Variants in SACM1L observed in about 807,000 individuals in gnomAD.
SACM1L encodes phosphatidylinositol-3-phosphatase SAC1.
In SACM1L, 32 loss-of-function variants were observed where a neutral mutation model predicts 89.5. That is an observed-to-expected ratio of 0.36 (90% CI 0.27 to 0.48). SACM1L has a LOEUF of 0.48. Among genes scored for constraint, SACM1L ranks in the 20% least tolerant of loss-of-function variants. SACM1L has a pLI of 0.99. For missense variants in SACM1L, 543 were observed against 708.5 expected (o/e 0.77, Z 2.65); for synonymous variants, 213 against 232.8 (o/e 0.92, Z 0.77).
chr3:45,719,630 CTG>C (rs749928773), intron 8 of SACM1L, 29 bp downstream of exon 8: 1 of 1,272,108 alleles, frequency 7.9e-7, no homozygotes, highest in East Asian at 2.3e-5. Flanking sequence ...TGGGTCATAT[CTG>C]TAATTAATAT....
intron 1 of SACM1L, among the ~76,000 whole-genome samples, chr3:45,697,329 T>C (rs1698156926): frequency 7.0e-6 from 1 of 142,446 alleles, no homozygotes; most frequent in Non-Finnish European, 1.5e-5. Context: ...CAGGCTGGAG[T>C]GTAGTGGTGC....
At chr3:45,738,219 T>G (rs1164938130) in intron 16 of SACM1L, among the ~76,000 whole-genome samples, 2 of 152,212 alleles carry the variant, frequency 1.3e-5, no homozygotes, top group Non-Finnish European at 2.9e-5. Flanking sequence ...TTGAATGTAT[T>G]ATGCATGCAG....
At chr3:45,698,095 A>T (rs2125682222) in intron 1 of SACM1L, among the ~76,000 whole-genome samples, 2 of 152,342 alleles carry the variant, frequency 1.3e-5, no homozygotes, top group South Asian at 4.1e-4. Context: ...CTAGAGAGTT[A>T]AAGTTAATTT....
rs539270787 is a variant in SACM1L, at chr3:45,695,308, T to A, written c.32+5811T>A. On this transcript the variant is annotated intron_variant, in intron 1 of 19. Transcript: ENST00000389061. ...TGGGGTCTCACTCTGTTGCCCAGGCTGGAGTGCAGTGGCGCAGTCTCGGCT... is the reference window on the plus strand; with the variant it reads ...TGGGGTCTCACTCTGTTGCCCAGGCAGGAGTGCAGTGGCGCAGTCTCGGCT... Among the ~76,000 whole-genome samples, 18 of 152,168 alleles carry A rather than the reference T, an allele frequency of 1.2e-4. 1 individual carries two copies. The highest frequency in any genetic ancestry group is 7.8e-4 in the Admixed American group (12 of 15,294).
intron 11 of SACM1L, among the ~76,000 whole-genome samples, chr3:45,728,011 A>T (rs1698963620): frequency 6.6e-6 from 1 of 152,210 alleles, no homozygotes; most frequent in African/African-American, 2.4e-5. Context: ...CTTCTTGGAA[A>T]ATTGACCATT....
intron 1 of SACM1L, 147 bp from the exon 2 acceptor site, chr3:45,703,291 C>T: frequency 8.8e-6 from 5 of 567,906 alleles, no homozygotes; most frequent in South Asian, 4.1e-5. Flanking sequence ...GCAGTGAACT[C>T]ATAAGGACAG....
intron 19 of SACM1L, among the ~76,000 whole-genome samples, chr3:45,743,181 T>C (rs1255366208): frequency 6.6e-6 from 1 of 152,232 alleles, no homozygotes; most frequent in African/African-American, 2.4e-5. Context: ...TATTAAAATA[T>C]ACTAAAAGTG....
At chr3:45,724,722 C>G (rs73058501) in intron 11 of SACM1L, among the ~76,000 whole-genome samples, 1 of 152,094 alleles carries the variant, frequency 6.6e-6, no homozygotes, top group Non-Finnish European at 1.5e-5. Context: ...ATAACATAAA[C>G]TTACCCCTAT....
chr3:45,705,645 G>A lies in SACM1L; in HGVS notation c.205+436G>A, dbSNP rs146184740. Among the ~76,000 whole-genome samples the A allele has an allele frequency of 2.6e-3, 396 of 152,006 alleles. 12 individuals are homozygous for A. The East Asian group carries it at 0.047, about 18-fold the overall frequency. On this transcript the variant is annotated intron_variant, in intron 3 of 19. Coordinates refer to ENST00000389061, the MANE Select transcript of SACM1L (RefSeq NM_014016.5). ...AGCTTCCTGAGTAGCTGGGATTACA[G>A]GTGCCTGCCACCACACTCGGCTAAT...
rs1343588628 is a variant in SACM1L, at chr3:45,705,124, T to G, written c.131-11T>G. On this transcript the variant is annotated splice_polypyrimidine_tract_variant and intron_variant, in intron 2 of 19. Coordinates refer to ENST00000389061, the MANE Select transcript of SACM1L (RefSeq NM_014016.5). ...TGTATGTGATTTTTCTTTCTTTCCTTTCTTTTAAAGTCAAGAAAGATGTTC... is the reference window on the plus strand; with the variant it reads ...TGTATGTGATTTTTCTTTCTTTCCTGTCTTTTAAAGTCAAGAAAGATGTTC... 6.3e-7 allele frequency: 1 copy of G among 1,579,518 alleles called. No homozygotes were observed. The highest frequency in any genetic ancestry group is 8.6e-7 in the Non-Finnish European group (1 of 1,158,214).
chr3:45,703,519 A>G lies in SACM1L; in HGVS notation c.114A>G (p.Thr38=), dbSNP rs764531339. The G allele has an allele frequency of 1.2e-6, 2 of 1,611,458 alleles. No individual in the cohort carries two copies. The highest frequency in any genetic ancestry group is 1.7e-6 in the Non-Finnish European group (2 of 1,177,822). The change falls in exon 2 of 20, where the codon ACA becomes ACG. Residue 38 remains threonine (T), a synonymous_variant. Transcript: ENST00000389061. ...DDVLTIDRVS[T]EVTLAVKKDV... is the part of the protein sequence containing the mutation. ...TACTTACCATTGACCGTGTGTCCAC[A>G]GAGGTTACCCTTGCAGGTATTTTAC...
chr3:45,742,176 A>T (rs1699330849), intron 19 of SACM1L, among the ~76,000 whole-genome samples: 1 of 152,242 alleles, frequency 6.6e-6, no homozygotes, highest in African/African-American at 2.4e-5. Flanking sequence ...GCTAACAAGG[A>T]ACTGCCCTTC....
At chr3:45,734,918 C>G (rs1699167488) in intron 13 of SACM1L, 1 of 217,494 alleles carries the variant, frequency 4.6e-6, no homozygotes, top group Non-Finnish European at 9.0e-6. Flanking sequence ...TAGAGGAAAC[C>G]CTCATCTGGC....
intron 11 of SACM1L, among the ~76,000 whole-genome samples, chr3:45,729,646 T>A (rs1055030231): frequency 6.6e-6 from 1 of 152,194 alleles, no homozygotes; most frequent in African/African-American, 2.4e-5. Context: ...CCTCCAAGAT[T>A]TCTAATGAGA....
chr3:45,732,199 A>G (rs755672369), intron 13 of SACM1L, 48 bp downstream of exon 13: 1 of 1,095,170 alleles, frequency 9.1e-7, no homozygotes, highest in Non-Finnish European at 1.3e-6. Context: ...AGGTATATAT[A>G]TCAGTCATAT....
At chr3:45,697,268 C>CTTTTTTTT (rs1559535250) in intron 1 of SACM1L, among the ~76,000 whole-genome samples, 2 of 110,612 alleles carry the variant, frequency 1.8e-5, no homozygotes, top group Admixed American at 1.7e-4. Flanking sequence ...CTTTTCTTTT[C>CTTTTTTTT]CTTTTTTTTT....
At chr3:45,719,053 C>T (rs2742405) in intron 7 of SACM1L, among the ~76,000 whole-genome samples, 1 of 152,108 alleles carries the variant, frequency 6.6e-6, no homozygotes, top group Admixed American at 6.5e-5. Context: ...TGTTACATGG[C>T]TAATTTATAA....
intron 7 of SACM1L, among the ~76,000 whole-genome samples, chr3:45,715,885 CAATATT>C (rs960809799): frequency 1.3e-5 from 2 of 150,486 alleles, no homozygotes; most frequent in African/African-American, 4.9e-5. Context: ...AATGGACAAA[CAATATT>C]AAGTGAGATT....
At chr3:45,743,172 A>T (rs530396137) in intron 19 of SACM1L, among the ~76,000 whole-genome samples, 2 of 152,354 alleles carry the variant, frequency 1.3e-5, no homozygotes, top group East Asian at 3.8e-4. Context: ...TATTTGTATT[A>T]TTAAAATATA....
Sources: gnomAD v4.1 joint callset for allele counts (sites outside exome capture counted in the v4.1 genomes callset) on GRCh38, gnomAD v4.1.1 for gene constraint, MANE v1.5 for transcripts, NCBI Gene and HGNC (gene_info 2026-07-23, HGNC 2026-07-21) for gene names.